GPRIN3: variants seen among roughly 807,000 people sequenced by gnomAD.
GPRIN3 encodes G protein-regulated inducer of neurite outgrowth 3.
GPRIN3 carries 12 observed loss-of-function variants against 13.7 expected under a neutral mutation model. The observed-to-expected ratio is 0.87, with a 90% confidence interval of 0.56 to 1.42. The LOEUF is 1.42. GPRIN3 is among the 40% of genes most tolerant of loss of function. The pLI is 0.00. For synonymous variants in GPRIN3, 377 were observed against 372.7 expected (o/e 1.01, Z -0.13); for missense variants, 1,009 against 958.7 (o/e 1.05, Z -0.69).
intron 1 of GPRIN3, among the ~76,000 whole-genome samples, chr4:89,279,947 A>G (rs1347973254): frequency 1.3e-5 from 2 of 152,012 alleles, no homozygotes; most frequent in African/African-American, 4.8e-5. Flanking sequence ...CAAAATAGCA[A>G]CTCTCCATTT....
chr4:89,266,852 T>G (rs1056436635), intron 1 of GPRIN3, among the ~76,000 whole-genome samples: 3 of 152,192 alleles, frequency 2.0e-5, no homozygotes, highest in South Asian at 2.1e-4. Flanking sequence ...AATTCAAGTG[T>G]TTTAAGTTGA....
intron 1 of GPRIN3, among the ~76,000 whole-genome samples, chr4:89,281,887 C>G (rs1009438563): frequency 2.0e-5 from 3 of 152,080 alleles, no homozygotes; most frequent in Non-Finnish European, 2.9e-5. Context: ...ACCATTCCCC[C>G]TTAATTACAA....
At position 89,249,273 on chromosome 4, in the gene GPRIN3, C is replaced by G; in HGVS notation, c.838G>C (p.Gly280Arg). The change falls in exon 2 of 2, where the codon GGT (glycine) becomes CGT (arginine). Residue 280 changes from glycine (G) to arginine (R), a missense_variant. By Grantham distance (125) the Gly-to-Arg change is moderately radical. Coordinates refer to ENST00000609438, the MANE Select transcript of GPRIN3 (RefSeq NM_198281.3). ...LTSEPSACPP[G>R]PEKVPLPAQR... The stretch of plus-strand genomic sequence containing the variant: ...GCTGGCAGCGGCACCTTCTCTGGAC[C>G]TGGGGGACATGCCGAAGGTTCGCTA... The G allele has an allele frequency of 6.2e-7, 1 of 1,614,062 alleles. No homozygotes were observed. The highest frequency in any genetic ancestry group is 2.2e-5 in the East Asian group (1 of 44,874).
At chr4:89,266,834 A>G (rs556559898) in intron 1 of GPRIN3, among the ~76,000 whole-genome samples, 1 of 152,344 alleles carries the variant, frequency 6.6e-6, no homozygotes, top group Admixed American at 6.5e-5. Context: ...TCCTTAGTGA[A>G]TGATACAAAT....
intron 1 of GPRIN3, among the ~76,000 whole-genome samples, chr4:89,252,433 G>A (rs561848659): frequency 6.6e-6 from 1 of 152,210 alleles, no homozygotes; most frequent in Non-Finnish European, 1.5e-5. Flanking sequence ...TAACTCACTG[G>A]CAAAATGAAT....
intron 1 of GPRIN3, among the ~76,000 whole-genome samples, chr4:89,301,844 G>A (rs1329014707): frequency 1.3e-5 from 2 of 152,130 alleles, no homozygotes; most frequent in Admixed American, 6.5e-5. Flanking sequence ...TACTGAATTA[G>A]CAACAATGCT....
intron 1 of GPRIN3, among the ~76,000 whole-genome samples, chr4:89,279,607 C>G (rs1225503868): frequency 6.6e-6 from 1 of 152,258 alleles, no homozygotes; most frequent in Non-Finnish European, 1.5e-5. Context: ...TGCCCTTGCT[C>G]AAGCCACAAA....
intron 1 of GPRIN3, among the ~76,000 whole-genome samples, chr4:89,305,616 C>T (rs1477156786): frequency 1.3e-5 from 2 of 152,252 alleles, no homozygotes; most frequent in African/African-American, 4.8e-5. Flanking sequence ...TTTGTGATTC[C>T]AAGACCAATA....
At chr4:89,269,077 T>C (rs1486819171) in intron 1 of GPRIN3, among the ~76,000 whole-genome samples, 2 of 152,232 alleles carry the variant, frequency 1.3e-5, no homozygotes, top group South Asian at 2.1e-4. Flanking sequence ...GGCAGATTTA[T>C]TCCCATGCAG....
chr4:89,290,318 T>C lies in GPRIN3; in HGVS notation c.-124+17297A>G, dbSNP rs149096984. ...CTTGAAGCATTTGCCTGCATTCCTC[T>C]GCTCAGGCCATGTCCCCTGGACTGT... On this transcript the variant is annotated intron_variant, in intron 1 of 1. Transcript: ENST00000609438. Among the ~76,000 whole-genome samples the C allele has an allele frequency of 3.2e-3, 483 of 152,180 alleles. 2 individuals carry two copies. Among genetic ancestry groups the C allele is most frequent in the African/African-American group, 0.01 (433 of 41,558 alleles).
chr4:89,303,962 C>T (rs1427188311), intron 1 of GPRIN3, among the ~76,000 whole-genome samples: 2 of 152,048 alleles, frequency 1.3e-5, no homozygotes, highest in Non-Finnish European at 2.9e-5. Flanking sequence ...ATATTTATTT[C>T]TTCTTTTCTA....
chr4:89,295,157 A>G (rs1389201859), intron 1 of GPRIN3, among the ~76,000 whole-genome samples: 3 of 152,170 alleles, frequency 2.0e-5, no homozygotes. Context: ...ACGACCCAAG[A>G]ATTAGACATT....
chr4:89,281,059 G>A (rs185163684), intron 1 of GPRIN3, among the ~76,000 whole-genome samples: 11 of 152,010 alleles, frequency 7.2e-5, no homozygotes, highest in African/African-American at 2.4e-4. Flanking sequence ...GAAGGTGAAG[G>A]GGGGGGATAA....
chr4:89,303,404 G>A (rs1724951768), intron 1 of GPRIN3, among the ~76,000 whole-genome samples: 1 of 152,234 alleles, frequency 6.6e-6, no homozygotes, highest in African/African-American at 2.4e-5. Context: ...TAGTTCAACA[G>A]TAACATTCAA....
intron 1 of GPRIN3, among the ~76,000 whole-genome samples, chr4:89,261,469 TA>T (rs1723623898): frequency 2.0e-5 from 3 of 152,172 alleles, no homozygotes; most frequent in Non-Finnish European, 1.5e-5. Flanking sequence ...TCCAGCTGGA[TA>T]TGACTTAATG....
intron 1 of GPRIN3, among the ~76,000 whole-genome samples, chr4:89,280,348 C>A (rs187157649): frequency 6.6e-6 from 1 of 152,172 alleles, no homozygotes; most frequent in Admixed American, 6.5e-5. Context: ...TATGATCATG[C>A]AAGTCCCAGA....
chr4:89,264,408 G>A (rs550673508), intron 1 of GPRIN3, among the ~76,000 whole-genome samples: 1 of 152,162 alleles, frequency 6.6e-6, no homozygotes, highest in South Asian at 2.1e-4. Flanking sequence ...ACAACCTGCA[G>A]AACTGTGAGT....
At chr4:89,255,573 G>A (rs558250833) in intron 1 of GPRIN3, among the ~76,000 whole-genome samples, 1 of 152,156 alleles carries the variant, frequency 6.6e-6, no homozygotes, top group East Asian at 1.9e-4. Flanking sequence ...GAGGGTTGTG[G>A]TGGGGGGCAG....
intron 1 of GPRIN3, among the ~76,000 whole-genome samples, chr4:89,305,058 C>A (rs922583329): frequency 2.0e-5 from 3 of 152,152 alleles, no homozygotes; most frequent in African/African-American, 7.2e-5. Context: ...CTAAATCACC[C>A]AGATAAAATG....
Sources: gnomAD v4.1 joint callset for allele counts (sites outside exome capture counted in the v4.1 genomes callset) on GRCh38, gnomAD v4.1.1 for gene constraint, MANE v1.5 for transcripts, NCBI Gene and HGNC (gene_info 2026-07-23, HGNC 2026-07-21) for gene names.